Variants in PPP6R1 observed in about 807,000 individuals in gnomAD.
PPP6R1 encodes serine/threonine-protein phosphatase 6 regulatory subunit 1.
PPP6R1 carries 39 observed loss-of-function variants against 104.6 expected under a neutral mutation model. That is an observed-to-expected ratio of 0.37 (90% CI 0.29 to 0.49). The LOEUF (loss-of-function observed/expected upper bound fraction) is 0.49, where lower values mean the gene tolerates loss of function less well. PPP6R1 is among the 20% of genes least tolerant of loss of function. The pLI, the probability that PPP6R1 is intolerant of heterozygous loss-of-function variation, is 0.98. For synonymous variants in PPP6R1, 549 were observed against 479.0 expected, an observed-to-expected ratio of 1.15 and a Z score of -1.91; for missense variants, 1,181 against 1,155.8, an observed-to-expected ratio of 1.02 and a Z score of -0.32.
At chr19:55,255,469 C>T (rs2087585710) in intron 1 of PPP6R1, among the ~76,000 whole-genome samples, 1 of 152,146 alleles carries the variant, frequency 6.6e-6, no homozygotes, top group Non-Finnish European at 1.5e-5. Context: ...CCCCACCGAG[C>T]CCCAGTTTCC....
In PPP6R1 at chr19:55,245,029, C is replaced by T. The variant is rs745486659; in HGVS notation, c.618+91G>A. 13 of 1,527,574 alleles carry T rather than the reference C, an allele frequency of 8.5e-6. No individual in the cohort carries two copies. Among genetic ancestry groups the T allele is most frequent in the African/African-American group, 4.1e-5 (3 of 72,946 alleles). The allele number at this position is 1,527,574 out of a possible 1,614,324, so 94.6% of individuals were successfully genotyped here. A position where few individuals can be genotyped will look rare whatever the true frequency, so the allele number is the denominator to read the frequency against. On this transcript the variant is annotated intron_variant, in intron 5 of 23. Coordinates refer to ENST00000412770, the MANE Select transcript of PPP6R1 (RefSeq NM_014931.4). The surrounding 1 kb of genome is among the most constrained non-coding windows in gnomAD (Gnocchi z 6.4). ...CTGGAATTACAGGCGTGAGCCACTG[C>T]GTCCAGCCCCAATTCCTCTTTTAAA...
At position 55,245,826 on chromosome 19, in the gene PPP6R1, G is replaced by C; in HGVS notation, c.228-148C>G. 1 of 700,104 alleles carries C rather than the reference G, an allele frequency of 1.4e-6. No homozygotes were observed. The highest frequency in any genetic ancestry group is 2.4e-6 in the Non-Finnish European group (1 of 424,378). 43.4% of individuals were successfully genotyped at this position (700,104 alleles called of 1,614,324 possible). ...AGGAAGGGGAAAGGGCAGAGGACAG[G>C]GTGACGCAGAAACAAGGGCCCACAC... On this transcript the variant is annotated intron_variant, in intron 2 of 23. Transcript: ENST00000412770. The surrounding 1 kb of genome is among the most constrained non-coding windows in gnomAD (Gnocchi z 6.4).
At chr19:55,237,452 G>A (rs958946011) in intron 15 of PPP6R1, among the ~76,000 whole-genome samples, 1 of 152,100 alleles carries the variant, frequency 6.6e-6, no homozygotes, top group Admixed American at 6.6e-5. Context: ...CTAAATTATG[G>A]GAAAAAGAAT....
chr19:55,235,186 C>T (rs4806652), intron 17 of PPP6R1, among the ~76,000 whole-genome samples: 136,545 of 151,634 alleles, frequency 0.9, 61,545 homozygotes, highest in Middle Eastern at 0.94. Context: ...ATCACAGCGA[C>T]TCTGGGGCCG....
chr19:55,242,078 T>A (rs2087463419), intron 7 of PPP6R1, 88 bp downstream of exon 7: 3 of 1,293,980 alleles, frequency 2.3e-6, no homozygotes, highest in Admixed American at 1.9e-5. Flanking sequence ...CGGGGATTTC[T>A]CTTGGTGGAC....
At chr19:55,237,198 G>A (rs1361835694) in intron 15 of PPP6R1, among the ~76,000 whole-genome samples, 1 of 152,178 alleles carries the variant, frequency 6.6e-6, no homozygotes, top group East Asian at 1.9e-4. Flanking sequence ...CACTCATTGA[G>A]GTAGGCTGTT....
In PPP6R1 at chr19:55,231,982, C is replaced by T. The variant is rs1171705155; in HGVS notation, c.2126G>A (p.Gly709Asp). 7 of 1,601,560 alleles carry T rather than the reference C, an allele frequency of 4.4e-6. No individual in the cohort carries two copies. The highest frequency in any genetic ancestry group is 2.2e-5 in the East Asian group (1 of 44,544). The change falls in exon 19 of 24, where the codon GGC becomes GAC. Residue 709 changes from glycine to aspartate, a missense_variant and splice_region_variant. This residue lies in a region of PPP6R1 where 1,042 missense variants were observed against 955.6 expected (regional missense o/e 1.09). Coordinates refer to ENST00000412770, the MANE Select transcript of PPP6R1 (RefSeq NM_014931.4). ...GTCAAAGGTGGCTGTCCAGCTGGGGCCTGGGATAGAGGTGGGGGAGCGGGA... is the reference window on the plus strand; with the variant it reads ...GTCAAAGGTGGCTGTCCAGCTGGGGTCTGGGATAGAGGTGGGGGAGCGGGA... ...SYPSPGPQPP[G>D]PSWTATFDPV...
At chr19:55,240,409 G>T in intron 10 of PPP6R1, 109 bp from the exon 11 acceptor site, 1 of 1,101,978 alleles carries the variant, frequency 9.1e-7, no homozygotes, top group Non-Finnish European at 1.3e-6. Context: ...CCAGGCCCCC[G>T]CTCATCCAGA....
In PPP6R1 at chr19:55,230,756, T is replaced by G. The variant is rs1367316595; in HGVS notation, c.2570+18A>C. ...CAGCCCCACCCCCACCCCCCCGCCC[T>G]GCTGCCCTGGTGCTCACCTCTGGCT... On this transcript the variant is annotated intron_variant, in intron 22 of 23. Coordinates refer to ENST00000412770, the MANE Select transcript of PPP6R1 (RefSeq NM_014931.4). The G allele has an allele frequency of 8.6e-6, 4 of 466,062 alleles. No individual in the cohort carries two copies. Among genetic ancestry groups the G allele is most frequent in the Non-Finnish European group, 1.2e-5 (4 of 322,284 alleles). 28.9% of individuals were successfully genotyped at this position (466,062 alleles called of 1,614,324 possible). A position where few individuals can be genotyped will look rare whatever the true frequency, so the allele number is the denominator to read the frequency against.
In PPP6R1 at chr19:55,239,926, G is replaced by T. The variant is rs761048265; in HGVS notation, c.1478-15C>A. On this transcript the variant is annotated splice_polypyrimidine_tract_variant and intron_variant, in intron 12 of 23. Transcript: ENST00000412770. ...GCTGGGCAGCTCTGCTTAGGTGAGA[G>T]GGGTGAAGACGTGAGGCATCTCGGG... 1 of 1,613,778 alleles carries T rather than the reference G, an allele frequency of 6.2e-7. No individual in the cohort carries two copies. Among genetic ancestry groups the T allele is most frequent in the South Asian group, 1.1e-5 (1 of 91,062 alleles).
At chr19:55,231,289 G>A (rs1194234968) in intron 21 of PPP6R1, 121 bp downstream of exon 21, 57 of 1,202,378 alleles carry the variant, frequency 4.7e-5, no homozygotes, top group Middle Eastern at 2.7e-4. Flanking sequence ...ATGAGGCTGC[G>A]CCTGGGGGTC....
chr19:55,245,211 A>G lies in PPP6R1; in HGVS notation c.553-26T>C. On this transcript the variant is annotated intron_variant, in intron 4 of 23. Coordinates refer to ENST00000412770, the MANE Select transcript of PPP6R1 (RefSeq NM_014931.4). This position sits in a 1 kb window ranked among gnomAD's most constrained non-coding sequence, Gnocchi z 6.4. ...CTGAGGGTGAGAAGGCGAGGGATGC[A>G]TCGCTGTCCACCACGCCCAGCCCCC... 6.2e-7 allele frequency: 1 copy of G among 1,609,520 alleles called. No homozygotes were observed. Among genetic ancestry groups the G allele is most frequent in the Non-Finnish European group, 8.5e-7 (1 of 1,178,086 alleles).
intron 1 of PPP6R1, among the ~76,000 whole-genome samples, chr19:55,249,783 T>G (rs1405544886): frequency 6.6e-6 from 1 of 151,520 alleles, no homozygotes; most frequent in Admixed American, 6.6e-5. Context: ...GAGGTTGCAG[T>G]GAGTCGAGAT....
chr19:55,238,530 T>G (rs1350719353), intron 15 of PPP6R1, among the ~76,000 whole-genome samples: 1 of 152,174 alleles, frequency 6.6e-6, no homozygotes, highest in Admixed American at 6.5e-5. Context: ...AGTCTCGCTC[T>G]GTTGCCCAGG....
At chr19:55,232,288 G>C in intron 17 of PPP6R1, 77 bp from the exon 18 acceptor site, 1 of 1,469,936 alleles carries the variant, frequency 6.8e-7, no homozygotes, top group South Asian at 1.4e-5. Flanking sequence ...TGCAGCCCAG[G>C]GTCAGCCCAA....
rs1019372227 is a variant in PPP6R1, at chr19:55,246,790, C to T, written c.227+87G>A. On this transcript the variant is annotated intron_variant, in intron 2 of 23. Transcript: ENST00000412770. Reference sequence around the variant, plus strand: ...CCAAACTGGAGTTTACTGACACTGACGCATTTCAGGGTAGCTGTGAGGCTT... The same window carrying T: ...CCAAACTGGAGTTTACTGACACTGATGCATTTCAGGGTAGCTGTGAGGCTT... The T allele has an allele frequency of 1.3e-5, 16 of 1,227,346 alleles. No homozygotes were observed. The Middle Eastern group carries it at 5.8e-4, about 45-fold the overall frequency. 76.0% of individuals were successfully genotyped at this position (1,227,346 alleles called of 1,614,324 possible).
chr19:55,245,239 C>A lies in PPP6R1; in HGVS notation c.552+26G>T. ...GCTGTCCACCACGCCCAGCCCCCCA[C>A]CCCCAGAGGAGCCGGCCCTGCTCAC... On this transcript the variant is annotated intron_variant, in intron 4 of 23. Transcript: ENST00000412770. This position sits in a 1 kb window ranked among gnomAD's most constrained non-coding sequence, Gnocchi z 6.4. The A allele has an allele frequency of 6.2e-7, 1 of 1,601,042 alleles. No homozygotes were observed. Among genetic ancestry groups the A allele is most frequent in the Non-Finnish European group, 8.5e-7 (1 of 1,174,154 alleles).
downstream of PPP6R1, chr19:55,229,132 G>C (rs2087313504): frequency 4.7e-6 from 1 of 211,112 alleles, no homozygotes; most frequent in African/African-American, 2.2e-5. Context: ...GGAGGGATGG[G>C]AAGGCGAGTC....
At chr19:55,249,973 C>T (rs987677460) in intron 1 of PPP6R1, among the ~76,000 whole-genome samples, 3 of 152,226 alleles carry the variant, frequency 2.0e-5, no homozygotes, top group African/African-American at 7.2e-5. Context: ...TCCATGCCCA[C>T]GGTGACCCCA....
Sources: allele counts gnomAD v4.1 joint callset (sites outside exome capture counted in the v4.1 genomes callset), GRCh38; gene constraint gnomAD v4.1.1; regional missense constraint gnomAD v4.1.1; non-coding constraint Gnocchi (gnomAD v3.1); transcripts MANE v1.5; gene names NCBI Gene and HGNC (gene_info 2026-07-23, HGNC 2026-07-21).